Variants in ME3 observed in about 807,000 individuals in gnomAD.
ME3 encodes the protein malic enzyme 3, also known as NADP-dependent malic enzyme, mitochondrial.
Under a neutral mutation model 68.9 loss-of-function variants are expected in ME3, and 48 were observed. The ratio of observed to expected loss-of-function variants is 0.70; its 90% CI spans 0.55 to 0.89. The LOEUF is 0.89. Among genes scored for constraint, ME3 ranks in the 40% least tolerant of loss-of-function variants. ME3 has a pLI of 0.00. For synonymous variants in ME3, 320 were observed against 318.8 expected, an observed-to-expected ratio of 1.00 and a Z score of -0.04; for missense variants, 675 against 797.4, an observed-to-expected ratio of 0.85 and a Z score of 1.85.
chr11:86,541,262 C>A (rs1426265866), intron 4 of ME3, among the ~76,000 whole-genome samples: 2 of 152,060 alleles, frequency 1.3e-5, no homozygotes, highest in African/African-American at 4.8e-5. Flanking sequence ...TTTCATACCC[C>A]AGTGGTGCCT....
intron 2 of ME3, among the ~76,000 whole-genome samples, chr11:86,598,401 G>A (rs193032229): frequency 6.6e-5 from 10 of 152,322 alleles, no homozygotes; most frequent in African/African-American, 2.4e-4. Flanking sequence ...TGGGGGAGGG[G>A]CACCCGCCAT....
intron 5 of ME3, among the ~76,000 whole-genome samples, chr11:86,504,996 C>T (rs2139068814): frequency 6.6e-6 from 1 of 152,310 alleles, no homozygotes; most frequent in African/African-American, 2.4e-5. Context: ...CAGTCTCACT[C>T]CTACACATTC....
intron 4 of ME3, among the ~76,000 whole-genome samples, chr11:86,541,335 G>A (rs554975015): frequency 6.6e-6 from 1 of 152,278 alleles, no homozygotes; most frequent in African/African-American, 2.4e-5. Context: ...AAGCCAGGGA[G>A]CCAAGTGGTC....
chr11:86,654,921 G>A (rs554539789), intron 2 of ME3, among the ~76,000 whole-genome samples: 6,479 of 151,914 alleles, frequency 0.043, 175 homozygotes, highest in Non-Finnish European at 0.064. Context: ...AAATCAATGT[G>A]CAAAAATCAC....
At chr11:86,671,626 A>G in intron 2 of ME3, 136 bp downstream of exon 2, 1 of 1,052,764 alleles carries the variant, frequency 9.5e-7, no homozygotes. Context: ...AGTCACAACA[A>G]GCCCCTGCAA....
At chr11:86,444,098 A>C (rs1420391502) in intron 13 of ME3, among the ~76,000 whole-genome samples, 4 of 152,186 alleles carry the variant, frequency 2.6e-5, no homozygotes, top group Non-Finnish European at 4.4e-5. Flanking sequence ...ATAGTGGGTG[A>C]GTGCAATGAG....
chr11:86,535,030 G>C (rs940366505), intron 4 of ME3, among the ~76,000 whole-genome samples: 5 of 152,110 alleles, frequency 3.3e-5, no homozygotes, highest in African/African-American at 1.2e-4. Flanking sequence ...AAAACCACTG[G>C]CCTAGGTAGA....
chr11:86,599,030 A>G (rs1285143714), intron 2 of ME3, among the ~76,000 whole-genome samples: 1 of 152,238 alleles, frequency 6.6e-6, no homozygotes, highest in African/African-American at 2.4e-5. Flanking sequence ...TGGAAACTCT[A>G]AAAAGCAGAG....
chr11:86,510,693 T>C (rs1290854578), intron 4 of ME3, among the ~76,000 whole-genome samples: 2 of 152,206 alleles, frequency 1.3e-5, no homozygotes, highest in Admixed American at 6.5e-5. Flanking sequence ...CTCACTACAT[T>C]GTGACAACCA....
intron 2 of ME3, among the ~76,000 whole-genome samples, chr11:86,568,069 A>G (rs1957586013): frequency 6.6e-6 from 1 of 152,226 alleles, no homozygotes; most frequent in Admixed American, 6.5e-5. Flanking sequence ...TCTAGTAAAT[A>G]GAGTTACAGA....
At chr11:86,494,821 A>T (rs147845746) in intron 6 of ME3, among the ~76,000 whole-genome samples, 1 of 152,186 alleles carries the variant, frequency 6.6e-6, no homozygotes, top group South Asian at 2.1e-4. Flanking sequence ...GATACCCACT[A>T]AACACTCAAT....
chr11:86,596,591 T>G (rs1182997382), intron 2 of ME3, among the ~76,000 whole-genome samples: 1 of 152,206 alleles, frequency 6.6e-6, no homozygotes, highest in Non-Finnish European at 1.5e-5. Flanking sequence ...AAGGAGCCCT[T>G]GAGACTTTAA....
chr11:86,494,197 C>T (rs1952174406), intron 6 of ME3, among the ~76,000 whole-genome samples: 1 of 152,124 alleles, frequency 6.6e-6, no homozygotes, highest in African/African-American at 2.4e-5. Context: ...GGAGGGGGCC[C>T]ACCATTCCCT....
At chr11:86,650,335 G>C (rs1457561078) in intron 2 of ME3, among the ~76,000 whole-genome samples, 1 of 152,062 alleles carries the variant, frequency 6.6e-6, no homozygotes. Context: ...TTAAACATAA[G>C]ACCTAAAACC....
intron 2 of ME3, among the ~76,000 whole-genome samples, chr11:86,637,146 A>G (rs1297310778): frequency 6.6e-6 from 1 of 151,734 alleles, no homozygotes; most frequent in South Asian, 2.1e-4. Flanking sequence ...TGGGTCTTAT[A>G]CGTAACTAAT....
chr11:86,486,079 C>T (rs1184056125), intron 7 of ME3, among the ~76,000 whole-genome samples: 1 of 152,116 alleles, frequency 6.6e-6, no homozygotes, highest in East Asian at 1.9e-4. Context: ...CCCTCGCTCC[C>T]ACCACCACAT....
chr11:86,573,473 T>C (rs1180479365), intron 2 of ME3, among the ~76,000 whole-genome samples: 1 of 151,608 alleles, frequency 6.6e-6, no homozygotes, highest in African/African-American at 2.4e-5. Flanking sequence ...TTTTTGCACA[T>C]TGATTTTGTA....
At chr11:86,589,280 T>C (rs1353290519) in intron 2 of ME3, among the ~76,000 whole-genome samples, 1 of 152,150 alleles carries the variant, frequency 6.6e-6, no homozygotes, top group Admixed American at 6.5e-5. Context: ...GGGCAGGTAC[T>C]ATGTTTCATT....
chr11:86,645,491 ACT>A (rs1400412535), intron 2 of ME3, among the ~76,000 whole-genome samples: 6 of 151,952 alleles, frequency 3.9e-5, no homozygotes, highest in African/African-American at 1.5e-4. Flanking sequence ...TTGTAGCCAG[ACT>A]CTCTAGATTT....
Sources: gnomAD v4.1 joint callset for allele counts (sites outside exome capture counted in the v4.1 genomes callset) on GRCh38, gnomAD v4.1.1 for gene constraint, MANE v1.5 for transcripts, NCBI Gene and HGNC (gene_info 2026-07-23, HGNC 2026-07-21) for gene names.